GTF3C1: variants seen among roughly 807,000 people sequenced by gnomAD.
The protein encoded by GTF3C1 is general transcription factor IIIC subunit 1, also known as general transcription factor 3C polypeptide 1.
In GTF3C1, 57 loss-of-function variants were observed where a neutral mutation model predicts 226.7. The observed-to-expected ratio is 0.25, with a 90% CI of 0.20 to 0.31. The LOEUF is 0.31. Ranked by LOEUF, GTF3C1 falls within the 10% of genes least tolerant of loss-of-function variation. The probability of loss-of-function intolerance (pLI) is 1.00; values close to 1 mark genes in which losing one functional copy is unlikely to be tolerated. For synonymous variants in GTF3C1, 1,090 were observed against 1,084.8 expected (o/e 1.00, Z -0.09); for missense variants, 2,217 against 2,776.1 (o/e 0.80, Z 4.53).
rs745683281 is a variant in GTF3C1 at position 27,488,947 on chromosome 16, G to T, written c.3429+96C>A. On this transcript the variant is annotated intron_variant, in intron 21 of 36. Coordinates refer to ENST00000356183, the MANE Select transcript of GTF3C1 (RefSeq NM_001520.4). ...GGCCTGACGCACCTTCAATACAAAC[G>T]GAAGCCAGTATTTGTGTCTCTGGTC... The T allele has an allele frequency of 4.3e-6, 5 of 1,167,350 alleles. No individual in the cohort carries two copies. In the African/African-American group the frequency reaches 6.1e-5, roughly 14 times the overall value. 72.3% of individuals were successfully genotyped at this position (1,167,350 alleles called of 1,614,324 possible).
Position 27,506,875 on chromosome 16 carries a change from G to A in GTF3C1, c.1524C>T (p.Thr508=), listed in dbSNP as rs2088493414. The A allele has an allele frequency of 6.2e-7, 1 of 1,612,220 alleles. No individual in the cohort carries two copies. The change falls in exon 9 of 37, where the codon ACC becomes ACT. Residue 508 remains threonine (T), a synonymous_variant. Transcript: ENST00000356183. ...TGGTTGGGGTGGAGTGATGAGGCTG[G>A]GTCTTGGGCCGGAGGTTTGCAGAGG... is the stretch of plus-strand genomic sequence containing the variant. ...TRASANLRPK[T]QPHHSTPTKG...
At chr16:27,494,643 C>T (rs1383199511) in intron 16 of GTF3C1, 120 bp downstream of exon 16, 2 of 679,652 alleles carry the variant, frequency 2.9e-6, no homozygotes, top group Non-Finnish European at 5.3e-6. Context: ...ATCTATCCAC[C>T]AATCCATTCA....
rs915914200 is a variant in GTF3C1, at chr16:27,478,611, A to G, written c.4197-80T>C. 4.3e-6 allele frequency: 4 copies of G among 936,644 alleles called. No homozygotes were observed. In the African/African-American group the frequency reaches 6.4e-5, roughly 15 times the overall value. 58.0% of individuals were successfully genotyped at this position (936,644 alleles called of 1,614,324 possible). ...AAGCGGATGCTGGCTCAAGATGGCC[A>G]TTTATTGGCTAAAGTGTTGGGAGTG... On this transcript the variant is annotated intron_variant, in intron 27 of 36. Coordinates refer to ENST00000356183, the MANE Select transcript of GTF3C1 (RefSeq NM_001520.4).
At chr16:27,531,754 G>GA (rs900860494) in intron 5 of GTF3C1, among the ~76,000 whole-genome samples, 3 of 152,210 alleles carry the variant, frequency 2.0e-5, no homozygotes, top group Non-Finnish European at 4.4e-5. Context: ...CTTGGTAGGA[G>GA]AGAGGGTTTC....
At chr16:27,466,090 A>G (rs1282450647) in intron 32 of GTF3C1, 1 of 158,286 alleles carries the variant, frequency 6.3e-6, no homozygotes, top group African/African-American at 2.4e-5. Flanking sequence ...ACTCCAAAGT[A>G]TAGAATTCTA....
intron 7 of GTF3C1, among the ~76,000 whole-genome samples, chr16:27,510,065 A>G (rs1271094326): frequency 6.6e-6 from 1 of 152,180 alleles, no homozygotes; most frequent in Non-Finnish European, 1.5e-5. Flanking sequence ...CCTGACCAGC[A>G]TGATGAAACC....
Position 27,462,363 on chromosome 16 carries a change from G to A in GTF3C1, c.6048C>T (p.Ile2016=), listed in dbSNP as rs183241610. Residue 2016 remains isoleucine (I), a synonymous_variant, in exon 36 of 37, where the codon ATC becomes ATT. Coordinates refer to ENST00000356183, the MANE Select transcript of GTF3C1 (RefSeq NM_001520.4). The surrounding 1 kb of genome is among the most constrained non-coding windows in gnomAD (Gnocchi z 4.5). ...AGTGGCGCAGCAGGGAGCTCTCGGGGATGCCAGGCCTGGTCATGATGTGGT... is the reference window on the plus strand; with the variant it reads ...AGTGGCGCAGCAGGGAGCTCTCGGGAATGCCAGGCCTGGTCATGATGTGGT... The part of the protein sequence containing the change: ...MLYHIMTRPG[I]PESSLLRHYQ... 1.2e-5 allele frequency: 19 copies of A among 1,592,382 alleles called. No homozygotes were observed. The Admixed American group carries it at 3.2e-4, about 27-fold the overall frequency.
intron 4 of GTF3C1, among the ~76,000 whole-genome samples, chr16:27,534,047 G>A (rs1361301482): frequency 6.6e-6 from 1 of 152,050 alleles, no homozygotes; most frequent in South Asian, 2.1e-4. Context: ...GGAAGGATGG[G>A]GGTTATTCTA....
At chr16:27,522,280 G>A (rs949994747) in intron 6 of GTF3C1, among the ~76,000 whole-genome samples, 1 of 152,046 alleles carries the variant, frequency 6.6e-6, no homozygotes, top group Non-Finnish European at 1.5e-5. Flanking sequence ...CCTCCCCTAA[G>A]CACTCACTAA....
In GTF3C1 at chr16:27,507,933, C is replaced by T. The variant is rs139985284; in HGVS notation, c.1242+607G>A. 6.6e-6 allele frequency among the ~76,000 whole-genome samples: 1 copy of T among 152,248 alleles called. No individual in the cohort carries two copies. The highest frequency in any genetic ancestry group is 2.4e-5 in the African/African-American group (1 of 41,464). ...GGAGAGCACTGCTTTGTCTGAAGCACGTGGACAGAGAGTGGCCAGCCCCAG... is the reference window on the plus strand; with the variant it reads ...GGAGAGCACTGCTTTGTCTGAAGCATGTGGACAGAGAGTGGCCAGCCCCAG... On this transcript the variant is annotated intron_variant, in intron 8 of 36. Transcript: ENST00000356183. This position sits in a 1 kb window ranked among gnomAD's most constrained non-coding sequence, Gnocchi z 4.9.
At chr16:27,475,721 G>A (rs918685795) in intron 29 of GTF3C1, among the ~76,000 whole-genome samples, 36 of 152,132 alleles carry the variant, frequency 2.4e-4, no homozygotes, top group African/African-American at 8.5e-4. Flanking sequence ...GCAGTAGAGC[G>A]GCCGCGTGGA....
At chr16:27,523,238 T>C (rs553191111) in intron 6 of GTF3C1, among the ~76,000 whole-genome samples, 1 of 152,290 alleles carries the variant, frequency 6.6e-6, no homozygotes, top group African/African-American at 2.4e-5. Flanking sequence ...TAATCCAAAT[T>C]TGCAAAACAG....
chr16:27,530,466 G>A (rs2088899290), intron 5 of GTF3C1, among the ~76,000 whole-genome samples: 1 of 152,148 alleles, frequency 6.6e-6, no homozygotes, highest in Non-Finnish European at 1.5e-5. Flanking sequence ...AATCTGGCCA[G>A]CAGAAAGAGA....
Position 27,509,522 on chromosome 16 carries a change from C to T in GTF3C1, c.1127-867G>A, listed in dbSNP as rs934871294. On this transcript the variant is annotated intron_variant, in intron 7 of 36. Transcript: ENST00000356183. ...CCTGTAATCCCAGCACTTTGGGAGG[C>T]TGAGGCGGGCGGATCACGAGGTCAG... 2.0e-5 allele frequency among the ~76,000 whole-genome samples: 3 copies of T among 152,126 alleles called. No homozygotes were observed. The South Asian group carries it at 6.2e-4, about 31-fold the overall frequency.
At chr16:27,484,130 A>G in intron 25 of GTF3C1, 81 bp downstream of exon 25, 1 of 1,044,060 alleles carries the variant, frequency 9.6e-7, no homozygotes, top group Non-Finnish European at 1.5e-6. Context: ...AGTGTGCTCC[A>G]GCCACACTTC....
At chr16:27,538,799 T>C (rs2089038289) in intron 2 of GTF3C1, among the ~76,000 whole-genome samples, 1 of 152,068 alleles carries the variant, frequency 6.6e-6, no homozygotes, top group Admixed American at 6.5e-5. Context: ...CTGGCTGCTT[T>C]TCATCCAGGT....
rs1485748235 is a variant in GTF3C1, at chr16:27,507,082, T to C, written c.1317A>G (p.Leu439=). 1 of 1,613,708 alleles carries C rather than the reference T, an allele frequency of 6.2e-7. No individual in the cohort carries two copies. Among genetic ancestry groups the C allele is most frequent in the African/African-American group, 1.3e-5 (1 of 74,922 alleles). The part of the protein sequence containing the change: ...ISCVFAEESD[L]SRQYQREKAR... Reference sequence around the variant, plus strand: ...CCTTCTCTCTTTGGTACTGCCGGCTTAGGTCGCTCTCCTCTGCAAACACGC... The same window carrying C: ...CCTTCTCTCTTTGGTACTGCCGGCTCAGGTCGCTCTCCTCTGCAAACACGC... The change falls in exon 9 of 37, where the codon CTA becomes CTG. Residue 439 remains leucine (L), a synonymous_variant. Transcript: ENST00000356183. The surrounding 1 kb of genome is among the most constrained non-coding windows in gnomAD (Gnocchi z 4.9).
Position 27,476,594 on chromosome 16 carries a change from G to A in GTF3C1, c.4260-50C>T, listed in dbSNP as rs912856405. 6.8e-6 allele frequency: 7 copies of A among 1,032,394 alleles called. No homozygotes were observed. The African/African-American group carries it at 9.3e-5, about 14-fold the overall frequency. 64.0% of individuals were successfully genotyped at this position (1,032,394 alleles called of 1,614,324 possible). On this transcript the variant is annotated intron_variant, in intron 28 of 36. Coordinates refer to ENST00000356183, the MANE Select transcript of GTF3C1 (RefSeq NM_001520.4). ...ACCATGAGACCACAGGCACTGCTCA[G>A]CTCAGGCAGATGCAATTCTTAGGGA... is the stretch of plus-strand genomic sequence containing the variant.
rs371096323 is a variant in GTF3C1 at position 27,538,174 on chromosome 16, A to G, written c.608+6T>C. The G allele has an allele frequency of 2.6e-6, 4 of 1,535,898 alleles. No individual in the cohort carries two copies. The African/African-American group carries it at 5.6e-5, about 21-fold the overall frequency. On this transcript the variant is annotated splice_donor_region_variant and intron_variant, in intron 3 of 36. Coordinates refer to ENST00000356183, the MANE Select transcript of GTF3C1 (RefSeq NM_001520.4). ...TTAAAGCAGAGAAGCAAATCCCCCC[A>G]CTTACTTGAAAGCAGTGGTGTGAAG...
Sources: allele counts gnomAD v4.1 joint callset (sites outside exome capture counted in the v4.1 genomes callset), GRCh38; gene constraint gnomAD v4.1.1; non-coding constraint Gnocchi (gnomAD v3.1); transcripts MANE v1.5; gene names NCBI Gene and HGNC (gene_info 2026-07-23, HGNC 2026-07-21).